The following TMEM178B variants were observed in gnomAD, a reference collection of about 807,000 sequenced individuals.
TMEM178B encodes transmembrane protein 178B.
In TMEM178B, 5 loss-of-function variants were observed where a neutral mutation model predicts 31.0. The ratio of observed to expected loss-of-function variants is 0.16; its 90% CI spans 0.08 to 0.34. The LOEUF is 0.34. Among genes scored for constraint, TMEM178B ranks in the 10% least tolerant of loss-of-function variants. TMEM178B has a pLI of 1.00. For synonymous variants in TMEM178B, 164 were observed against 164.0 expected (o/e 1.00, Z 0.00); for missense variants, 275 against 400.3 (o/e 0.69, Z 2.67).
At chr7:141,124,631 A>G (rs1466507321) in intron 1 of TMEM178B, among the ~76,000 whole-genome samples, 3 of 152,136 alleles carry the variant, frequency 2.0e-5, no homozygotes, top group Non-Finnish European at 1.5e-5. Context: ...GTCACATTTT[A>G]TTTATTTTGT....
chr7:141,105,246 C>T (rs1005504192), intron 1 of TMEM178B, among the ~76,000 whole-genome samples: 5 of 152,144 alleles, frequency 3.3e-5, no homozygotes, highest in South Asian at 2.1e-4. Context: ...TGGTGGCTCA[C>T]GCCTGTAATC....
At chr7:141,386,368 C>T (rs1166365775) in intron 2 of TMEM178B, among the ~76,000 whole-genome samples, 1 of 152,200 alleles carries the variant, frequency 6.6e-6, no homozygotes, top group Non-Finnish European at 1.5e-5. Context: ...TTAAAATCTG[C>T]TCTCAGGAAC....
At chr7:141,482,739 C>T (rs1377134179), downstream of TMEM178B, among the ~76,000 whole-genome samples, 1 of 152,174 alleles carries the variant, frequency 6.6e-6, no homozygotes, top group Non-Finnish European at 1.5e-5. Context: ...GTAAAGGACA[C>T]ATAGGGCAGG....
intron 2 of TMEM178B, among the ~76,000 whole-genome samples, chr7:141,224,001 G>A (rs1481672838): frequency 2.6e-5 from 4 of 152,096 alleles, no homozygotes; most frequent in East Asian, 3.9e-4. Context: ...GGGAGGGGCC[G>A]GTGGGAGATA....
At chr7:141,199,562 C>T (rs971160247) in intron 1 of TMEM178B, among the ~76,000 whole-genome samples, 26 of 152,240 alleles carry the variant, frequency 1.7e-4, no homozygotes, top group African/African-American at 6.3e-4. Context: ...TTCTCCTTTG[C>T]TTCCTTTTTC....
intron 2 of TMEM178B, among the ~76,000 whole-genome samples, chr7:141,243,406 G>A (rs1030173563): frequency 4.6e-5 from 7 of 152,010 alleles, no homozygotes; most frequent in African/African-American, 1.7e-4. Context: ...TCTGCTCTAT[G>A]GGGTTATGGC....
the TMEM178B span, among the ~76,000 whole-genome samples, chr7:141,500,738 A>C: frequency 6.6e-6 from 1 of 152,152 alleles, no homozygotes; most frequent in Non-Finnish European, 1.5e-5. Context: ...CCACATACTC[A>C]ATTCCTTTGT....
At chr7:141,237,548 T>C (rs1797547210) in intron 2 of TMEM178B, among the ~76,000 whole-genome samples, 1 of 152,178 alleles carries the variant, frequency 6.6e-6, no homozygotes, top group Non-Finnish European at 1.5e-5. Flanking sequence ...TATACACATA[T>C]ACATAGAAAA....
At chr7:141,467,462 A>G (rs1366524130) in intron 3 of TMEM178B, among the ~76,000 whole-genome samples, 2 of 152,218 alleles carry the variant, frequency 1.3e-5, no homozygotes, top group Non-Finnish European at 2.9e-5. Context: ...GTTTCTACAA[A>G]TAATCATTGA....
chr7:141,287,456 T>G (rs944236844), intron 2 of TMEM178B, among the ~76,000 whole-genome samples: 8 of 152,220 alleles, frequency 5.3e-5, no homozygotes, highest in African/African-American at 1.9e-4. Flanking sequence ...ATATAGGTCA[T>G]AAAAACTAGC....
intron 2 of TMEM178B, chr7:141,429,903 A>G (rs1415922909): frequency 6.6e-6 from 1 of 152,142 alleles, no homozygotes; most frequent in Admixed American, 6.5e-5. Context: ...CATAGGCAAA[A>G]CCTCCCATTA....
intron 2 of TMEM178B, among the ~76,000 whole-genome samples, chr7:141,398,938 C>T (rs1044278545): frequency 6.6e-6 from 1 of 152,218 alleles, no homozygotes; most frequent in African/African-American, 2.4e-5. Flanking sequence ...GGAGAGATGG[C>T]TCAAAGGGCA....
chr7:141,263,416 C>T (rs553183166), intron 2 of TMEM178B, among the ~76,000 whole-genome samples: 1 of 152,284 alleles, frequency 6.6e-6, no homozygotes, highest in African/African-American at 2.4e-5. Context: ...GCTTCCAATT[C>T]ACCACCTACC....
intron 2 of TMEM178B, among the ~76,000 whole-genome samples, chr7:141,214,417 T>C (rs1423463355): frequency 6.6e-6 from 1 of 151,462 alleles, no homozygotes; most frequent in African/African-American, 2.4e-5. Context: ...TGGAGGAGGG[T>C]GGGGGATGGG....
At chr7:141,481,726 A>G (rs1563194618), downstream of TMEM178B, among the ~76,000 whole-genome samples, 1 of 152,178 alleles carries the variant, frequency 6.6e-6, no homozygotes, top group African/African-American at 2.4e-5. Flanking sequence ...CAAGTGGAAA[A>G]GAACTTGAAG....
intron 2 of TMEM178B, among the ~76,000 whole-genome samples, chr7:141,237,742 G>A (rs990588804): frequency 6.6e-6 from 1 of 152,020 alleles, no homozygotes; most frequent in Non-Finnish European, 1.5e-5. Context: ...GTAAGGACAG[G>A]GCTGGGCGTG....
rs1799036758 is a variant in TMEM178B, at chr7:141,318,069, A to G, written c.496+105365A>G. Among the ~76,000 whole-genome samples, 1 of 152,230 alleles carries G rather than the reference A, an allele frequency of 6.6e-6. No individual in the cohort carries two copies. The highest frequency in any genetic ancestry group is 6.5e-5 in the Admixed American group (1 of 15,290). On this transcript the variant is annotated intron_variant, in intron 2 of 3. Coordinates refer to ENST00000565468, the MANE Select transcript of TMEM178B (RefSeq NM_001195278.2). The surrounding 1 kb of genome is among the most constrained non-coding windows in gnomAD (Gnocchi z 4.1). ...TTATTTTAAATGAAAACAATTATTG[A>G]ATAAGCTTTCTTTTCAGATCTTGTG... is the stretch of plus-strand genomic sequence containing the variant.
At chr7:141,500,724 A>T in the TMEM178B span, among the ~76,000 whole-genome samples, 3 of 152,140 alleles carry the variant, frequency 2.0e-5, no homozygotes, top group African/African-American at 7.2e-5. Context: ...TGACAGTTTG[A>T]CAGCCACATA....
chr7:141,383,038 T>C (rs76099500), intron 2 of TMEM178B, among the ~76,000 whole-genome samples: 9,798 of 152,268 alleles, frequency 0.064, 377 homozygotes, highest in South Asian at 0.11. Flanking sequence ...CCCCAAGTTG[T>C]GGCAAAGCTT....
Sources: gnomAD v4.1 joint callset for allele counts (sites outside exome capture counted in the v4.1 genomes callset) on GRCh38, gnomAD v4.1.1 for gene constraint, Gnocchi (gnomAD v3.1) non-coding constraint, MANE v1.5 for transcripts, NCBI Gene and HGNC (gene_info 2026-07-23, HGNC 2026-07-21) for gene names.